Variants in PRPF4 observed in about 807,000 individuals in gnomAD.
The protein encoded by PRPF4 is pre-mRNA splicing tri-snRNP complex factor PRPF4.
A neutral mutation model predicts 72.2 loss-of-function variants in PRPF4; 14 were observed. That is an observed-to-expected ratio of 0.19 (90% CI 0.13 to 0.30). The LOEUF is 0.30. PRPF4 is among the 10% of genes least tolerant of loss of function. The probability of loss-of-function intolerance (pLI) is 1.00; values close to 1 mark genes in which losing one functional copy is unlikely to be tolerated. For synonymous variants in PRPF4, 225 were observed against 232.2 expected (o/e 0.97, Z 0.28); for missense variants, 478 against 653.9 (o/e 0.73, Z 2.93).
rs1210453462 is a variant in PRPF4, at chr9:113,275,717, T to C, written c.-27T>C. On this transcript the variant is annotated 5_prime_UTR_variant, in exon 1 of 14. Transcript: ENST00000374198. ...CTGAAAGGGAGTGTTCGGGTTTCGCTGGGGCCTCGCGGCTCCAGAGCCCAG... is the reference window on the plus strand; with the variant it reads ...CTGAAAGGGAGTGTTCGGGTTTCGCCGGGGCCTCGCGGCTCCAGAGCCCAG... 3 of 1,608,124 alleles carry C rather than the reference T, an allele frequency of 1.9e-6. No homozygotes were observed. Among genetic ancestry groups the C allele is most frequent in the Non-Finnish European group, 2.5e-6 (3 of 1,177,182 alleles).
At position 113,291,773 on chromosome 9, in the gene PRPF4, T is replaced by C. The variant is rs1481767148; in HGVS notation, c.*113T>C. The stretch of plus-strand genomic sequence containing the variant: ...CATGTTTTCTGCCAATTACCATGCA[T>C]AGACCCTCAGTAGAATTGGATTTCC... On this transcript the variant is annotated 3_prime_UTR_variant, in exon 14 of 14. Coordinates refer to ENST00000374198, the MANE Select transcript of PRPF4 (RefSeq NM_001244926.2). 1.9e-6 allele frequency: 2 copies of C among 1,060,016 alleles called. No individual in the cohort carries two copies. The highest frequency in any genetic ancestry group is 1.7e-5 in the South Asian group (1 of 60,182). 65.7% of individuals were successfully genotyped at this position (1,060,016 alleles called of 1,614,324 possible).
intron 11 of PRPF4, 30 bp from the exon 12 acceptor site, chr9:113,290,670 A>C (rs753685616): frequency 3.1e-6 from 5 of 1,614,162 alleles, no homozygotes; most frequent in African/African-American, 1.3e-5. Flanking sequence ...AACTGGATTC[A>C]AAGTGTTCAT....
chr9:113,286,335 A>G (rs760601020), intron 8 of PRPF4, 45 bp downstream of exon 8: 1 of 1,523,562 alleles, frequency 6.6e-7, no homozygotes, highest in South Asian at 1.1e-5. Flanking sequence ...TCCCAGTGTG[A>G]ACTCAGTTAA....
rs761741573 is a variant in PRPF4, at chr9:113,279,015, G to A, written c.276G>A (p.Arg92=). ...AAGTATTGGCTGAGTTTGAGAGAAGGAAGCGAGCCCGGCAGATCAATGTTT... is the reference window on the plus strand; with the variant it reads ...AAGTATTGGCTGAGTTTGAGAGAAGAAAGCGAGCCCGGCAGATCAATGTTT... The part of the protein sequence containing the change: ...QAEVLAEFER[R]KRARQINVST... The change falls in exon 3 of 14, where the codon AGG becomes AGA. Residue 92 remains arginine, a synonymous_variant. Coordinates refer to ENST00000374198, the MANE Select transcript of PRPF4 (RefSeq NM_001244926.2). The A allele has an allele frequency of 1.1e-5, 18 of 1,614,118 alleles. No individual in the cohort carries two copies. Among genetic ancestry groups the A allele is most frequent in the South Asian group, 7.7e-5 (7 of 91,096 alleles).
intron 3 of PRPF4, 87 bp from the exon 4 acceptor site, chr9:113,282,557 CAG>C (rs1331352877): frequency 2.1e-6 from 2 of 971,326 alleles, no homozygotes; most frequent in Non-Finnish European, 3.0e-6. Context: ...ACTTTAATAA[CAG>C]TGTTTAAAAC....
chr9:113,291,688 C>T lies in PRPF4; in HGVS notation c.*28C>T. The T allele has an allele frequency of 1.9e-6, 3 of 1,607,330 alleles. No individual in the cohort carries two copies. In the Admixed American group the frequency reaches 5.0e-5, roughly 27 times the overall value. On this transcript the variant is annotated 3_prime_UTR_variant, in exon 14 of 14. Transcript: ENST00000374198. The stretch of plus-strand genomic sequence containing the variant: ...GACAATGGGAAAAGGACTTGAACCT[C>T]AAGCTCTCTCTAAGGAGCTGTTTTC...
chr9:113,284,637 C>T (rs975734475), intron 7 of PRPF4, among the ~76,000 whole-genome samples: 4 of 152,178 alleles, frequency 2.6e-5, no homozygotes, highest in Non-Finnish European at 5.9e-5. Context: ...ATTCTTGACA[C>T]TAGTATTTTG....
chr9:113,288,143 T>C, intron 9 of PRPF4, 32 bp from the exon 10 acceptor site: 2 of 1,603,380 alleles, frequency 1.2e-6, no homozygotes, highest in Non-Finnish European at 1.7e-6. Context: ...TATATGTCTA[T>C]AAAATTGTTT....
chr9:113,284,996 C>T (rs2118621791), intron 7 of PRPF4, among the ~76,000 whole-genome samples: 1 of 152,138 alleles, frequency 6.6e-6, no homozygotes, highest in Non-Finnish European at 1.5e-5. Context: ...ATTGAATACA[C>T]AGGAGCTACT....
At chr9:113,291,436 C>G (rs766988580) in intron 13 of PRPF4, 31 bp from the exon 14 acceptor site, 1 of 1,572,150 alleles carries the variant, frequency 6.4e-7, no homozygotes, top group African/African-American at 1.4e-5. Context: ...ACTTGAATTC[C>G]TCAAGCAATT....
At chr9:113,283,290 A>G in intron 5 of PRPF4, 79 bp downstream of exon 5, 1 of 1,612,794 alleles carries the variant, frequency 6.2e-7, no homozygotes, top group Non-Finnish European at 8.5e-7. Flanking sequence ...CTGGATAATG[A>G]CTATGGTTGT....
chr9:113,279,657 G>A lies in PRPF4; in HGVS notation c.392+526G>A, dbSNP rs543538519. Reference sequence around the variant, plus strand: ...ACCCACCTTGGCCTCCCAAAGTGCTGGGATTACAAGCGTGAGCCTTCGTGC... The same window carrying A: ...ACCCACCTTGGCCTCCCAAAGTGCTAGGATTACAAGCGTGAGCCTTCGTGC... On this transcript the variant is annotated intron_variant, in intron 3 of 13. Coordinates refer to ENST00000374198, the MANE Select transcript of PRPF4 (RefSeq NM_001244926.2). Among the ~76,000 whole-genome samples, 78 of 152,260 alleles carry A rather than the reference G, an allele frequency of 5.1e-4. 2 individuals carry two copies. In the South Asian group the frequency reaches 0.016, roughly 32 times the overall value.
chr9:113,282,973 TATC>T, intron 4 of PRPF4, 156 bp from the exon 5 acceptor site: 1 of 1,335,318 alleles, frequency 7.5e-7, no homozygotes, highest in Non-Finnish European at 1.0e-6. Context: ...TGTAGTTACA[TATC>T]ATAGAAAAAA....
chr9:113,289,098 A>G (rs1180377719), intron 10 of PRPF4, among the ~76,000 whole-genome samples: 1 of 152,186 alleles, frequency 6.6e-6, no homozygotes, highest in Non-Finnish European at 1.5e-5. Flanking sequence ...CCACAAATTA[A>G]TTATGTCTAT....
chr9:113,285,599 C>T (rs1832421841), intron 7 of PRPF4, among the ~76,000 whole-genome samples: 1 of 151,372 alleles, frequency 6.6e-6, no homozygotes, highest in Non-Finnish European at 1.5e-5. Flanking sequence ...AGGATGGGCT[C>T]GATCTCCTGA....
At chr9:113,284,540 G>A (rs1588014790) in intron 7 of PRPF4, 151 bp downstream of exon 7, 2 of 676,712 alleles carry the variant, frequency 3.0e-6, no homozygotes, top group South Asian at 3.5e-5. Flanking sequence ...TGCTCTACCT[G>A]TTGTATAATA....
chr9:113,290,963 G>A lies in PRPF4; in HGVS notation c.1319G>A (p.Cys440Tyr). 1 of 1,614,140 alleles carries A rather than the reference G, an allele frequency of 6.2e-7. No individual in the cohort carries two copies. Among genetic ancestry groups the A allele is most frequent in the Non-Finnish European group, 8.5e-7 (1 of 1,180,018 alleles). The part of the protein sequence containing the change: ...CKVWDLRQRR[C>Y]VYTIPAHQNL... ...GTGTGGGACCTCCGACAGCGGCGTT[G>A]CGTCTACACCATCCCTGCTCATCAG... Residue 440 changes from cysteine (C) to tyrosine (Y), a missense_variant, in exon 13 of 14, where the codon TGC becomes TAC. Transcript: ENST00000374198.
chr9:113,288,244 A>T lies in PRPF4; in HGVS notation c.1002A>T (p.Gly334=). The change falls in exon 10 of 14, where the codon GGA becomes GGT. Residue 334 remains glycine, a synonymous_variant. Coordinates refer to ENST00000374198, the MANE Select transcript of PRPF4 (RefSeq NM_001244926.2). ...RVARVMWHPS[G]RFLGTTCYDR... is the part of the protein sequence containing the mutation. The stretch of plus-strand genomic sequence containing the variant: ...CGCGGGTAATGTGGCATCCTTCAGG[A>T]CGTTTCCTGGGCACCACCTGGTGAG... The T allele has an allele frequency of 6.2e-7, 1 of 1,614,140 alleles. No homozygotes were observed. The highest frequency in any genetic ancestry group is 1.1e-5 in the South Asian group (1 of 91,080).
chr9:113,276,373 C>T (rs1832095538), intron 1 of PRPF4, among the ~76,000 whole-genome samples, 175 bp from the exon 2 acceptor site: 1 of 152,210 alleles, frequency 6.6e-6, no homozygotes. Flanking sequence ...GAAACACCCT[C>T]ACCCTACCTT....
Sources: allele counts gnomAD v4.1 joint callset (sites outside exome capture counted in the v4.1 genomes callset), GRCh38; gene constraint gnomAD v4.1.1; transcripts MANE v1.5; gene names NCBI Gene and HGNC (gene_info 2026-07-23, HGNC 2026-07-21).